TBL1X: variants seen among roughly 807,000 people sequenced by gnomAD.
The protein encoded by TBL1X is transducin beta like 1 X-linked, also known as F-box-like/WD repeat-containing protein TBL1X.
Under a neutral mutation model 50.7 loss-of-function variants are expected in TBL1X, and 10 were observed. The ratio of observed to expected loss-of-function variants is 0.20; its 90% CI spans 0.12 to 0.33. The LOEUF is 0.33. Ranked by LOEUF, TBL1X falls within the 10% of genes least tolerant of loss-of-function variation. The pLI is 1.00. For synonymous variants in TBL1X, 190 were observed against 214.7 expected (o/e 0.88, Z 1.01); for missense variants, 340 against 504.4 (o/e 0.67, Z 3.12).
At chrX:9,595,113 T>C in intron 2 of TBL1X, among the ~76,000 whole-genome samples, 1 of 112,231 alleles carries the variant, frequency 8.9e-6, no homozygotes, top group East Asian at 2.8e-4. Flanking sequence ...CCAGCGCCAC[T>C]GTGCAGTGGG....
intron 2 of TBL1X, among the ~76,000 whole-genome samples, chrX:9,606,117 G>C (rs1349403454): frequency 1.8e-5 from 2 of 111,843 alleles, no homozygotes; most frequent in African/African-American, 6.5e-5. Flanking sequence ...TGGGGGGTCA[G>C]TTCCAAGCTC....
intron 13 of TBL1X, among the ~76,000 whole-genome samples, chrX:9,705,324 A>G (rs1361564271): frequency 1.8e-5 from 2 of 112,206 alleles, no homozygotes; most frequent in Admixed American, 1.9e-4. Context: ...TCACTCAGAA[A>G]TGACCTAGAT....
intron 1 of TBL1X, among the ~76,000 whole-genome samples, chrX:9,496,751 G>A (rs1334890345): frequency 8.9e-6 from 1 of 111,899 alleles, no homozygotes; most frequent in Non-Finnish European, 1.9e-5. Context: ...TTCTCACCTG[G>A]TTGATTGGAT....
chrX:9,688,070 C>T lies in TBL1X; in HGVS notation c.411C>T (p.Ala137=), dbSNP rs145411823. The T allele has an allele frequency of 5.0e-5, 60 of 1,209,708 alleles. No individual in the cohort carries two copies. In the African/African-American group the frequency reaches 6.5e-4, roughly 13 times the overall value. Residue 137 remains alanine, a synonymous_variant, in exon 7 of 18, where the codon GCC becomes GCT. Coordinates refer to ENST00000645353, the MANE Select transcript of TBL1X (RefSeq NM_005647.4). ...TAGAGTCCCTGTCACTGATAGACGC[C>T]GTGATGCCCGACGTGGTGCAGACGC... ...RPIESLSLID[A]VMPDVVQTRQ... is the part of the protein sequence containing the mutation.
intron 2 of TBL1X, among the ~76,000 whole-genome samples, chrX:9,577,128 T>C (rs780754347): frequency 1.8e-5 from 2 of 112,027 alleles, no homozygotes; most frequent in African/African-American, 6.5e-5. Flanking sequence ...ATTAGTCTTT[T>C]CCTGATGTCT....
intron 2 of TBL1X, among the ~76,000 whole-genome samples, chrX:9,546,803 ATTTTTT>A (rs774181046): frequency 1.1e-4 from 5 of 44,986 alleles, no homozygotes; most frequent in African/African-American, 3.6e-4. Context: ...TTTATTCTTA[ATTTTTT>A]TTTTTTTTTT....
At chrX:9,645,487 C>A (rs978323501) in intron 3 of TBL1X, 9 of 112,119 alleles carry the variant, frequency 8.0e-5, no homozygotes, top group African/African-American at 2.6e-4. Context: ...ATGGACATTG[C>A]CCCTGCCTGA....
In TBL1X at chrX:9,472,448, T is replaced by C. The variant is rs1348278969; in HGVS notation, c.-201+7001T>C. Among the ~76,000 whole-genome samples the C allele has an allele frequency of 1.2e-3, 129 of 106,511 alleles. 1 individual carries two copies. Among genetic ancestry groups the C allele is most frequent in the African/African-American group, 4.3e-3 (127 of 29,308 alleles). The allele number at this position is 106,511 out of a possible 115,157, so 92.5% of individuals were successfully genotyped here. A position where few individuals can be genotyped will look rare whatever the true frequency, so the allele number is the denominator to read the frequency against. On this transcript the variant is annotated intron_variant, in intron 1 of 17. Transcript: ENST00000645353. ...CTTTTTTTTTTTCTTTCTTTTTTTT[T>C]TTTTTTTTAATTTTCAATTTTTTTC...
intron 1 of TBL1X, among the ~76,000 whole-genome samples, chrX:9,497,267 G>A (rs2081975489): frequency 9.1e-6 from 1 of 109,586 alleles, no homozygotes; most frequent in South Asian, 4.0e-4. Flanking sequence ...AAATTAGCTG[G>A]GTGTGGTGTT....
chrX:9,680,984 A>G (rs2083022184), intron 5 of TBL1X, among the ~76,000 whole-genome samples: 1 of 112,607 alleles, frequency 8.9e-6, no homozygotes, highest in African/African-American at 3.2e-5. Context: ...TCTTTGTTCC[A>G]AGAAGACTTA....
chrX:9,620,247 C>T (rs1439677517), intron 2 of TBL1X, among the ~76,000 whole-genome samples: 3 of 112,265 alleles, frequency 2.7e-5, no homozygotes, highest in African/African-American at 6.5e-5. Context: ...TGCAGTGTTC[C>T]GTGGGGTTGT....
At chrX:9,585,505 G>C (rs374016119) in intron 2 of TBL1X, among the ~76,000 whole-genome samples, 1 of 111,508 alleles carries the variant, frequency 9.0e-6, no homozygotes, top group South Asian at 3.8e-4. Context: ...GGATGGTTTT[G>C]TGGCCCTTTG....
intron 2 of TBL1X, among the ~76,000 whole-genome samples, chrX:9,589,112 T>C (rs1187135907): frequency 2.7e-5 from 3 of 111,500 alleles, no homozygotes; most frequent in Admixed American, 9.5e-5. Flanking sequence ...AGAATACCCA[T>C]GGGTTATCCT....
At chrX:9,592,875 G>A (rs182013550) in intron 2 of TBL1X, among the ~76,000 whole-genome samples, 295 of 112,408 alleles carry the variant, frequency 2.6e-3, no homozygotes, top group African/African-American at 9.4e-3. Flanking sequence ...GTAGCTGTGA[G>A]TACAGTGCCC....
chrX:9,712,360 C>T lies in TBL1X; in HGVS notation c.1605+584C>T, dbSNP rs773970789. 1.3e-3 allele frequency among the ~76,000 whole-genome samples: 144 copies of T among 112,502 alleles called. 1 individual carries two copies. The highest frequency in any genetic ancestry group is 4.4e-3 in the African/African-American group (135 of 31,003). On this transcript the variant is annotated intron_variant, in intron 16 of 17. Coordinates refer to ENST00000645353, the MANE Select transcript of TBL1X (RefSeq NM_005647.4). Reference sequence around the variant, plus strand: ...TTTGTTTTTGTTTTTGTTTTTGAGACGGAGTCTCACTCTGTCACCCAGGCT... The same window carrying T: ...TTTGTTTTTGTTTTTGTTTTTGAGATGGAGTCTCACTCTGTCACCCAGGCT...
chrX:9,613,105 T>A (rs149172509), intron 2 of TBL1X, among the ~76,000 whole-genome samples: 82 of 111,662 alleles, frequency 7.3e-4, no homozygotes, highest in African/African-American at 2.3e-3. Flanking sequence ...TTACACTGTT[T>A]CTAGGAGTTT....
At chrX:9,485,954 C>G (rs1306800840) in intron 1 of TBL1X, among the ~76,000 whole-genome samples, 2 of 110,597 alleles carry the variant, frequency 1.8e-5, no homozygotes, top group African/African-American at 6.6e-5. Context: ...TTTTGGTCAA[C>G]CATCTGAAGG....
At chrX:9,518,293 T>C (rs141899996) in intron 2 of TBL1X, among the ~76,000 whole-genome samples, 2 of 111,293 alleles carry the variant, frequency 1.8e-5, no homozygotes, top group Non-Finnish European at 3.8e-5. Flanking sequence ...CCTAAGATAT[T>C]TGCTCTCTGG....
At chrX:9,570,093 G>A (rs2082377082) in intron 2 of TBL1X, among the ~76,000 whole-genome samples, 1 of 112,225 alleles carries the variant, frequency 8.9e-6, no homozygotes, top group Non-Finnish European at 1.9e-5. Context: ...TGAATTCCAC[G>A]TGTGTAAGCC....
Sources: allele counts gnomAD v4.1 joint callset (sites outside exome capture counted in the v4.1 genomes callset), GRCh38; gene constraint gnomAD v4.1.1; transcripts MANE v1.5; gene names NCBI Gene and HGNC (gene_info 2026-07-23, HGNC 2026-07-21).